ELAVL3: variants seen among roughly 807,000 people sequenced by gnomAD.
ELAVL3 encodes ELAV-like protein 3.
A neutral mutation model predicts 34.2 loss-of-function variants in ELAVL3; 8 were observed. That is an observed-to-expected ratio of 0.23 (90% CI 0.14 to 0.42). The LOEUF (loss-of-function observed/expected upper bound fraction) is 0.42. Among genes scored for constraint, ELAVL3 ranks in the 10% least tolerant of loss-of-function variants. The probability of loss-of-function intolerance (pLI) is 1.00; values close to 1 mark genes in which losing one functional copy is unlikely to be tolerated. For synonymous variants in ELAVL3, 209 were observed against 222.1 expected, an observed-to-expected ratio of 0.94 and a Z score of 0.53; for missense variants, 273 against 518.8, an observed-to-expected ratio of 0.53 and a Z score of 4.60.
chr19:11,454,453 C>T lies in ELAVL3; in HGVS notation c.*73G>A. On this transcript the variant is annotated 3_prime_UTR_variant, in exon 7 of 7. Coordinates refer to ENST00000359227, the MANE Select transcript of ELAVL3 (RefSeq NM_001420.4). This position sits in a 1 kb window ranked among gnomAD's most constrained non-coding sequence, Gnocchi z 9.2. ...GTGCTGTCTCTCTTGGGCCCCTTCT[C>T]TCTCTCTCTCTCTCTTTCTCTCTCT... 1 of 1,282,032 alleles carries T rather than the reference C, an allele frequency of 7.8e-7. No homozygotes were observed. The highest frequency in any genetic ancestry group is 1.0e-6 in the Non-Finnish European group (1 of 956,194). The allele number at this position is 1,282,032 out of a possible 1,614,324, so 79.4% of individuals were successfully genotyped here.
chr19:11,479,758 C>G (rs1971336741), intron 1 of ELAVL3, among the ~76,000 whole-genome samples: 4 of 151,564 alleles, frequency 2.6e-5, no homozygotes, highest in Admixed American at 1.3e-4. Flanking sequence ...CTGAAAGCAC[C>G]GAGCGCGGGG....
chr19:11,475,612 C>CTTTTTT (rs35672237), intron 1 of ELAVL3, among the ~76,000 whole-genome samples: 3 of 133,768 alleles, frequency 2.2e-5, no homozygotes, highest in African/African-American at 2.8e-5. Flanking sequence ...TCACCATCTA[C>CTTTTTT]TTTTTTTTTT....
At chr19:11,461,478 C>T (rs967680225) in intron 3 of ELAVL3, among the ~76,000 whole-genome samples, 16 of 110,874 alleles carry the variant, frequency 1.4e-4, no homozygotes, top group South Asian at 2.6e-4. Context: ...CTCCCTCCCT[C>T]CCTTCCTTCC....
rs1008154193 is a variant in ELAVL3, at chr19:11,454,321, G to T, written c.*205C>A. The T allele has an allele frequency of 5.2e-6, 3 of 575,666 alleles. No individual in the cohort carries two copies. Among genetic ancestry groups the T allele is most frequent in the Admixed American group, 3.1e-5 (1 of 32,070 alleles). The allele number at this position is 575,666 out of a possible 1,614,324, so 35.7% of individuals were successfully genotyped here. On this transcript the variant is annotated 3_prime_UTR_variant, in exon 7 of 7. Coordinates refer to ENST00000359227, the MANE Select transcript of ELAVL3 (RefSeq NM_001420.4). The surrounding 1 kb of genome is among the most constrained non-coding windows in gnomAD (Gnocchi z 9.2). ...GTGGGGGCAGGAGGATGGGGCGGGG[G>T]ATCCCCGGGCACCCCCCCAATTCCC...
chr19:11,461,009 C>CGAA (rs1970872126), intron 3 of ELAVL3, among the ~76,000 whole-genome samples: 1 of 89,798 alleles, frequency 1.1e-5, no homozygotes, highest in Non-Finnish European at 2.8e-5. Context: ...ACAACCTCTA[C>CGAA]AAAAAAAAAA....
chr19:11,464,167 A>ATATTTTTTT (rs1319720810), intron 3 of ELAVL3, among the ~76,000 whole-genome samples: 1 of 103,850 alleles, frequency 9.6e-6, no homozygotes, highest in African/African-American at 4.3e-5. Flanking sequence ...ATATATATAT[A>ATATTTTTTT]TTTTTTTTTT....
intron 1 of ELAVL3, among the ~76,000 whole-genome samples, chr19:11,471,980 G>A (rs1201342260): frequency 6.6e-6 from 1 of 152,190 alleles, no homozygotes; most frequent in Non-Finnish European, 1.5e-5. Context: ...GACATAAGAA[G>A]GTCAAGTAGC....
chr19:11,454,935 G>A lies in ELAVL3; in HGVS notation c.753-58C>T. On this transcript the variant is annotated intron_variant, in intron 6 of 6. Coordinates refer to ENST00000359227, the MANE Select transcript of ELAVL3 (RefSeq NM_001420.4). This position sits in a 1 kb window ranked among gnomAD's most constrained non-coding sequence, Gnocchi z 9.2. ...CCCCCCGCATGCTTCTGACCCCGTT[G>A]TGACCCTTCACACCTTTATGACCCC... 3.9e-6 allele frequency: 6 copies of A among 1,526,694 alleles called. No homozygotes were observed. Among genetic ancestry groups the A allele is most frequent in the East Asian group, 2.3e-5 (1 of 44,236 alleles). The allele number at this position is 1,526,694 out of a possible 1,614,324, so 94.6% of individuals were successfully genotyped here. A position where few individuals can be genotyped will look rare whatever the true frequency, so the allele number is the denominator to read the frequency against.
intron 3 of ELAVL3, among the ~76,000 whole-genome samples, chr19:11,463,665 G>C (rs527430298): frequency 6.6e-6 from 1 of 152,184 alleles, no homozygotes; most frequent in South Asian, 2.1e-4. Flanking sequence ...ACATGCACCT[G>C]TCAAATAATA....
In ELAVL3 at chr19:11,454,161, C is replaced by T. The variant is rs1289561919; in HGVS notation, c.*365G>A. The T allele has an allele frequency of 1.5e-5, 3 of 206,820 alleles. No homozygotes were observed. The highest frequency in any genetic ancestry group is 6.9e-5 in the African/African-American group (3 of 43,352). 12.8% of individuals were successfully genotyped at this position (206,820 alleles called of 1,614,324 possible). A position where few individuals can be genotyped will look rare whatever the true frequency, so the allele number is the denominator to read the frequency against. On this transcript the variant is annotated 3_prime_UTR_variant, in exon 7 of 7. Coordinates refer to ENST00000359227, the MANE Select transcript of ELAVL3 (RefSeq NM_001420.4). The surrounding 1 kb of genome is among the most constrained non-coding windows in gnomAD (Gnocchi z 9.2). Reference sequence around the variant, plus strand: ...GTCTGGGAGGGCACCCCCTGGAGCCCCCCAAGCCATCCCATCGGGGGTGGT... The same window carrying T: ...GTCTGGGAGGGCACCCCCTGGAGCCTCCCAAGCCATCCCATCGGGGGTGGT...
intron 3 of ELAVL3, among the ~76,000 whole-genome samples, chr19:11,463,141 C>T (rs1970926606): frequency 6.6e-6 from 1 of 152,110 alleles, no homozygotes. Context: ...CCAACACCGT[C>T]TGAGACACAG....
chr19:11,469,614 T>C (rs1186880171), intron 1 of ELAVL3, among the ~76,000 whole-genome samples: 1 of 152,250 alleles, frequency 6.6e-6, no homozygotes, highest in Non-Finnish European at 1.5e-5. Flanking sequence ...TCAATCTTGA[T>C]GGGATAAACC....
rs754473366 is a variant in ELAVL3 at position 11,464,654 on chromosome 19, TG to T, written c.333+1517del. ...CACACACACCACACATACACATACA[TG>T]ACACACACATACACACATCACACAC... On this transcript the variant is annotated intron_variant, in intron 3 of 6. Transcript: ENST00000359227. Among the ~76,000 whole-genome samples, 244 of 53,476 alleles carry T rather than the reference TG, an allele frequency of 4.6e-3. 3 individuals are homozygous for T. Among genetic ancestry groups the T allele is most frequent in the South Asian group, 0.023 (41 of 1,800 alleles). 35.1% of individuals were successfully genotyped at this position (53,476 alleles called of 152,430 possible).
chr19:11,466,644 T>C lies in ELAVL3; in HGVS notation c.193A>G (p.Ile65Val), dbSNP rs149769933. 1.4e-5 allele frequency: 22 copies of C among 1,614,212 alleles called. No homozygotes were observed. The Admixed American group carries it at 2.0e-4, about 15-fold the overall frequency. The change falls in exon 2 of 7, where the codon ATC becomes GTC. Residue 65 changes from isoleucine (I) to valine (V), a missense_variant. By Grantham distance (29) the Ile-to-Val change is conservative. This residue lies in a region of ELAVL3 where 102 missense variants were observed against 250.1 expected (regional missense o/e 0.41). Transcript: ENST00000359227. This position sits in a 1 kb window ranked among gnomAD's most constrained non-coding sequence, Gnocchi z 5.0. ...TCCCGAACCAACTTGCAGGACTCGA[T>C]GTCGCCAATGCTGCCGAAGAGACTC... is the stretch of plus-strand genomic sequence containing the variant. ...FKSLFGSIGD[I>V]ESCKLVRDKI...
intron 1 of ELAVL3, among the ~76,000 whole-genome samples, chr19:11,468,628 A>G (rs1377928710): frequency 6.6e-6 from 1 of 151,646 alleles, no homozygotes; most frequent in Non-Finnish European, 1.5e-5. Context: ...TATGTTGGCC[A>G]GGCTGGCCAG....
chr19:11,461,902 G>A (rs192847), intron 3 of ELAVL3, among the ~76,000 whole-genome samples: 13,269 of 152,206 alleles, frequency 0.087, 856 homozygotes, highest in African/African-American at 0.18. Flanking sequence ...AAAGCTGGGC[G>A]CGGTGGCGCA....
intron 1 of ELAVL3, among the ~76,000 whole-genome samples, chr19:11,479,484 C>T (rs1247030877): frequency 6.6e-6 from 1 of 152,058 alleles, no homozygotes; most frequent in Non-Finnish European, 1.5e-5. Flanking sequence ...GCCCAGGCGC[C>T]GGGACCAGAC....
At position 11,452,371 on chromosome 19, in the gene ELAVL3, G is replaced by A. The variant is rs1440022047; in HGVS notation, c.*2155C>T. 6.6e-6 allele frequency: 1 copy of A among 151,936 alleles called. No individual in the cohort carries two copies. Among genetic ancestry groups the A allele is most frequent in the East Asian group, 1.9e-4 (1 of 5,194 alleles). 9.4% of individuals were successfully genotyped at this position (151,936 alleles called of 1,614,324 possible). A position where few individuals can be genotyped will look rare whatever the true frequency, so the allele number is the denominator to read the frequency against. ...AGAAATATACACGGATGTCCTTACA[G>A]GGCAACGAGGAGAATAAATAGTTAA... is the stretch of plus-strand genomic sequence containing the variant. On this transcript the variant is annotated 3_prime_UTR_variant, in exon 7 of 7. Coordinates refer to ENST00000359227, the MANE Select transcript of ELAVL3 (RefSeq NM_001420.4).
chr19:11,455,678 C>T (rs1970754040), intron 6 of ELAVL3, among the ~76,000 whole-genome samples: 1 of 152,092 alleles, frequency 6.6e-6, no homozygotes, highest in African/African-American at 2.4e-5. Context: ...AGCAATCCTA[C>T]CACCTTGGAG....
Sources: allele counts gnomAD v4.1 joint callset (sites outside exome capture counted in the v4.1 genomes callset), GRCh38; gene constraint gnomAD v4.1.1; regional missense constraint gnomAD v4.1.1; non-coding constraint Gnocchi (gnomAD v3.1); transcripts MANE v1.5; gene names NCBI Gene and HGNC (gene_info 2026-07-23, HGNC 2026-07-21).